GRB10: variants seen among roughly 807,000 people sequenced by gnomAD.
GRB10 encodes growth factor receptor bound protein 10, also known as growth factor receptor-bound protein 10.
Under a neutral mutation model 80.9 loss-of-function variants are expected in GRB10, and 20 were observed. The ratio of observed to expected loss-of-function variants is 0.25; its 90% CI spans 0.17 to 0.36. The LOEUF is 0.36. Ranked by LOEUF, GRB10 falls within the 10% of genes least tolerant of loss-of-function variation. The pLI, the probability that GRB10 is intolerant of heterozygous loss-of-function variation, is 1.00. For missense variants in GRB10, 548 were observed against 747.7 expected, an observed-to-expected ratio of 0.73 and a Z score of 3.12; for synonymous variants, 291 against 291.5, an observed-to-expected ratio of 1.00 and a Z score of 0.02.
At chr7:50,725,065 G>A (rs1009948822) in intron 4 of GRB10, among the ~76,000 whole-genome samples, 1 of 152,182 alleles carries the variant, frequency 6.6e-6, no homozygotes, top group Non-Finnish European at 1.5e-5. Flanking sequence ...TTACCTGCCT[G>A]CTGCCTGCCC....
In GRB10 at chr7:50,753,015, C is replaced by A. The variant is rs539349849; in HGVS notation, c.-47+2872G>T. Among the ~76,000 whole-genome samples the A allele has an allele frequency of 2.0e-5, 3 of 152,294 alleles. No homozygotes were observed. In the East Asian group the frequency reaches 5.8e-4, roughly 29 times the overall value. ...ATTTCTGCCTCTCCCTCCTTGACCC[C>A]AAAACAAACAGGGCTGGCTCTTAGA... On this transcript the variant is annotated intron_variant, in intron 3 of 18. Transcript: ENST00000401949.
At chr7:50,649,965 G>C (rs1216602225) in intron 7 of GRB10, among the ~76,000 whole-genome samples, 2 of 152,192 alleles carry the variant, frequency 1.3e-5, no homozygotes, top group Non-Finnish European at 2.9e-5. Context: ...GACTTGTCCT[G>C]GTTATAGATC....
intron 6 of GRB10, among the ~76,000 whole-genome samples, chr7:50,672,456 G>C (rs2060466444): frequency 6.6e-6 from 1 of 152,170 alleles, no homozygotes; most frequent in Non-Finnish European, 1.5e-5. Flanking sequence ...GGTGATTCCA[G>C]ATTGATCTCC....
At chr7:50,706,934 C>T (rs1452375454) in intron 4 of GRB10, among the ~76,000 whole-genome samples, 1 of 152,222 alleles carries the variant, frequency 6.6e-6, no homozygotes, top group South Asian at 2.1e-4. Flanking sequence ...TACTGAACAC[C>T]GACTTGCTTC....
chr7:50,723,954 AG>A (rs901020769), intron 4 of GRB10, among the ~76,000 whole-genome samples: 4 of 152,238 alleles, frequency 2.6e-5, no homozygotes, highest in Non-Finnish European at 5.9e-5. Flanking sequence ...AGTGGCAAGG[AG>A]CTGGTTAAGG....
chr7:50,747,998 A>G (rs1019413307), intron 3 of GRB10, among the ~76,000 whole-genome samples: 1 of 152,120 alleles, frequency 6.6e-6, no homozygotes, highest in Admixed American at 6.6e-5. Context: ...AAGGCAGGAC[A>G]CATGCGTGCA....
intron 2 of GRB10, among the ~76,000 whole-genome samples, chr7:50,770,037 A>T (rs1407677821): frequency 6.6e-6 from 1 of 152,184 alleles, no homozygotes; most frequent in Non-Finnish European, 1.5e-5. Flanking sequence ...AGACAGAGAG[A>T]CAGCTGCCTA....
chr7:50,746,860 T>C (rs1044720806), intron 3 of GRB10, among the ~76,000 whole-genome samples: 1 of 152,094 alleles, frequency 6.6e-6, no homozygotes, highest in Non-Finnish European at 1.5e-5. Context: ...CTCGCCTCAA[T>C]TCATGACCTC....
chr7:50,612,278 T>C (rs1262664137), intron 13 of GRB10, among the ~76,000 whole-genome samples: 1 of 152,190 alleles, frequency 6.6e-6, no homozygotes, highest in Non-Finnish European at 1.5e-5. Context: ...CTGGTCCTGA[T>C]TTTTCGAATC....
At chr7:50,665,718 C>A (rs2059728772) in intron 7 of GRB10, among the ~76,000 whole-genome samples, 1 of 152,156 alleles carries the variant, frequency 6.6e-6, no homozygotes, top group African/African-American at 2.4e-5. Flanking sequence ...GACCCCAGAC[C>A]CAGAAGAGGA....
At chr7:50,787,774 C>T (rs1358856998), upstream of GRB10, among the ~76,000 whole-genome samples, 2 of 152,246 alleles carry the variant, frequency 1.3e-5, no homozygotes, top group African/African-American at 4.8e-5. Flanking sequence ...GGAGGGGATT[C>T]TGTGAGATGC....
chr7:50,760,289 T>C (rs1424136479), intron 2 of GRB10, among the ~76,000 whole-genome samples: 3 of 152,186 alleles, frequency 2.0e-5, no homozygotes, highest in African/African-American at 7.2e-5. Flanking sequence ...TTTATATACA[T>C]AGGTATGCAT....
At chr7:50,707,316 C>T (rs1320628552) in intron 4 of GRB10, among the ~76,000 whole-genome samples, 1 of 152,158 alleles carries the variant, frequency 6.6e-6, no homozygotes, top group Admixed American at 6.5e-5. Flanking sequence ...ACTTAGCACC[C>T]AAGCCTTCCT....
Position 50,782,031 on chromosome 7 carries a change from G to GC in GRB10, c.-327+392dup, listed in dbSNP as rs764438157. Among the ~76,000 whole-genome samples the GC allele has an allele frequency of 3.0e-4, 45 of 152,318 alleles. No homozygotes were observed. Among genetic ancestry groups the GC allele is most frequent in the Non-Finnish European group, 4.9e-4 (33 of 68,020 alleles). ...AAAAAGCCGGTGCAGTAGCCCGGAT[G>GC]CCCAGATCCACTCATTTCCCAAACC... On this transcript the variant is annotated intron_variant, in intron 1 of 18. Coordinates refer to ENST00000401949, the MANE Select transcript of GRB10 (RefSeq NM_001350814.2). The surrounding 1 kb of genome is among the most constrained non-coding windows in gnomAD (Gnocchi z 6.6).
At chr7:50,717,718 CA>C (rs2067083418) in intron 4 of GRB10, among the ~76,000 whole-genome samples, 1 of 152,226 alleles carries the variant, frequency 6.6e-6, no homozygotes, top group Admixed American at 6.5e-5. Flanking sequence ...CTCCTGTGTC[CA>C]TATTATCAAC....
intron 7 of GRB10, among the ~76,000 whole-genome samples, chr7:50,650,096 A>G (rs1172558637): frequency 6.6e-6 from 1 of 152,178 alleles, no homozygotes; most frequent in African/African-American, 2.4e-5. Flanking sequence ...AACACCAAGC[A>G]GCCTGGCAGA....
rs565521951 is a variant in GRB10 at position 50,674,373 on chromosome 7, G to A, written c.362+63C>T. The A allele has an allele frequency of 5.4e-6, 8 of 1,475,420 alleles. No individual in the cohort carries two copies. In the African/African-American group the frequency reaches 8.3e-5, roughly 15 times the overall value. The allele number at this position is 1,475,420 out of a possible 1,614,324, so 91.4% of individuals were successfully genotyped here. A position where few individuals can be genotyped will look rare whatever the true frequency, so the allele number is the denominator to read the frequency against. ...CCCAACACCATTTAACTCACAGAGA[G>A]CAGTGTCCCTGCCGACAGCTCTCAT... is the stretch of plus-strand genomic sequence containing the variant. On this transcript the variant is annotated intron_variant, in intron 6 of 18. Transcript: ENST00000401949.
rs2050077260 is a variant in GRB10 at position 50,614,102 on chromosome 7, T to C, written c.1095+668A>G. ...GATTATTAATACCACCACAACCTCA[T>C]CAGGGGAAAAGGAGTGGGCTCTGCC... On this transcript the variant is annotated intron_variant, in intron 12 of 18. Transcript: ENST00000401949. Among the ~76,000 whole-genome samples the C allele has an allele frequency of 3.9e-5, 6 of 152,330 alleles. No homozygotes were observed. The South Asian group carries it at 1.0e-3, about 26-fold the overall frequency.
Position 50,616,352 on chromosome 7 carries a change from TGAA to T in GRB10, c.847-8_847-6del. ...ACTACTGGAGTTCAGAAAATTCTGT[TGAA>T]GAACAAATTTTTAAAATCACATAAT... On this transcript the variant is annotated splice_polypyrimidine_tract_variant and splice_region_variant and intron_variant, in intron 10 of 18. Coordinates refer to ENST00000401949, the MANE Select transcript of GRB10 (RefSeq NM_001350814.2). 1.9e-6 allele frequency: 3 copies of T among 1,613,538 alleles called. No individual in the cohort carries two copies. Among genetic ancestry groups the T allele is most frequent in the Non-Finnish European group, 2.5e-6 (3 of 1,179,438 alleles).
Sources: allele counts gnomAD v4.1 joint callset (sites outside exome capture counted in the v4.1 genomes callset), GRCh38; gene constraint gnomAD v4.1.1; non-coding constraint Gnocchi (gnomAD v3.1); transcripts MANE v1.5; gene names NCBI Gene and HGNC (gene_info 2026-07-23, HGNC 2026-07-21).